The following ZBTB8A variants were observed in gnomAD, a reference collection of about 807,000 sequenced individuals.
ZBTB8A encodes zinc finger and BTB domain containing 8A.
A neutral mutation model predicts 37.8 loss-of-function variants in ZBTB8A; 19 were observed. The observed-to-expected ratio is 0.50, with a 90% CI of 0.35 to 0.74. ZBTB8A has a LOEUF of 0.74. Ranked by LOEUF, ZBTB8A falls within the 30% of genes least tolerant of loss-of-function variation. The pLI is 0.01. For missense variants in ZBTB8A, 394 were observed against 537.8 expected, an observed-to-expected ratio of 0.73 and a Z score of 2.65; for synonymous variants, 181 against 185.2, an observed-to-expected ratio of 0.98 and a Z score of 0.19.
At position 32,572,983 on chromosome 1, in the gene ZBTB8A, C is replaced by G. The variant is rs79591867; in HGVS notation, c.-2+19443C>G. Among the ~76,000 whole-genome samples, 72 of 150,052 alleles carry G rather than the reference C, an allele frequency of 4.8e-4. No homozygotes were observed. The East Asian group carries it at 0.013, about 26-fold the overall frequency. On this transcript the variant is annotated intron_variant, in intron 2 of 4. Transcript: ENST00000373510. ...TTTGGTTTCATTGATTTTTCTCTAT[C>G]ATTTCTTTGGTTTCTATTTTGTTCA...
At chr1:32,567,155 CA>C in intron 2 of ZBTB8A, among the ~76,000 whole-genome samples, 1 of 152,034 alleles carries the variant, frequency 6.6e-6, no homozygotes, top group Admixed American at 6.6e-5. Context: ...ACAGTGATGG[CA>C]AAAGGCACAG....
At chr1:32,539,726 G>C (rs1303531276) in intron 1 of ZBTB8A, among the ~76,000 whole-genome samples, 154 bp downstream of exon 1, 141 of 146,550 alleles carry the variant, frequency 9.6e-4, no homozygotes, top group South Asian at 1.0e-3. Context: ...CCCCGGGCCG[G>C]GAGCGCGGCG....
chr1:32,561,865 G>T (rs1179165177), intron 2 of ZBTB8A, among the ~76,000 whole-genome samples: 1 of 152,132 alleles, frequency 6.6e-6, no homozygotes, highest in African/African-American at 2.4e-5. Flanking sequence ...ATATAATTTT[G>T]GGGGGCACAA....
rs931134140 is a variant in ZBTB8A at position 32,601,015 on chromosome 1, A to G, written c.*596A>G. The stretch of plus-strand genomic sequence containing the variant: ...GTGTTTGAAATCATTCATATTTGAA[A>G]TTTTTATCATTAGCTTAAAAATTAC... On this transcript the variant is annotated 3_prime_UTR_variant, in exon 5 of 5. Coordinates refer to ENST00000373510, the MANE Select transcript of ZBTB8A (RefSeq NM_001040441.3). The G allele has an allele frequency of 6.6e-6, 1 of 152,146 alleles. No individual in the cohort carries two copies. Among genetic ancestry groups the G allele is most frequent in the South Asian group, 2.1e-4 (1 of 4,830 alleles). 9.4% of individuals were successfully genotyped at this position (152,146 alleles called of 1,614,324 possible). A position where few individuals can be genotyped will look rare whatever the true frequency, so the allele number is the denominator to read the frequency against.
At chr1:32,574,690 AAAGAATGT>A (rs1234474969) in intron 2 of ZBTB8A, among the ~76,000 whole-genome samples, 1 of 152,222 alleles carries the variant, frequency 6.6e-6, no homozygotes, top group African/African-American at 2.4e-5. Flanking sequence ...GTGTACTTAA[AAAGAATGT>A]ATATTTTGCT....
At chr1:32,579,759 C>T (rs1644389828) in intron 2 of ZBTB8A, among the ~76,000 whole-genome samples, 1 of 152,156 alleles carries the variant, frequency 6.6e-6, no homozygotes, top group Admixed American at 6.6e-5. Context: ...TCACTGATTT[C>T]ATTGTCTGAA....
In ZBTB8A at chr1:32,590,349, T is replaced by C. The variant is rs539559199; in HGVS notation, c.-1-2582T>C. Reference sequence around the variant, plus strand: ...AGTATCTCACCTAAGGCCTTTTTTTTCCCTACCCAGGGCCCTGCAAAGACA... The same window carrying C: ...AGTATCTCACCTAAGGCCTTTTTTTCCCCTACCCAGGGCCCTGCAAAGACA... On this transcript the variant is annotated intron_variant, in intron 2 of 4. Coordinates refer to ENST00000373510, the MANE Select transcript of ZBTB8A (RefSeq NM_001040441.3). Among the ~76,000 whole-genome samples the C allele has an allele frequency of 8.5e-4, 129 of 152,170 alleles. 1 individual carries two copies. Among genetic ancestry groups the C allele is most frequent in the African/African-American group, 2.8e-3 (118 of 41,464 alleles).
chr1:32,578,231 ATTTTTT>A (rs561875455), intron 2 of ZBTB8A, among the ~76,000 whole-genome samples: 2 of 135,092 alleles, frequency 1.5e-5, no homozygotes, highest in African/African-American at 5.5e-5. Flanking sequence ...CTCCTGGCTA[ATTTTTT>A]TTTTTTTTTT....
intron 2 of ZBTB8A, among the ~76,000 whole-genome samples, chr1:32,555,214 C>T (rs371046816): frequency 2.6e-5 from 4 of 152,030 alleles, no homozygotes; most frequent in African/African-American, 7.2e-5. Flanking sequence ...ACGGTGAAAA[C>T]CTGTCTCTAC....
At chr1:32,595,002 A>G (rs944227728) in intron 3 of ZBTB8A, 52 bp from the exon 4 acceptor site, 2 of 1,444,118 alleles carry the variant, frequency 1.4e-6, no homozygotes, top group Non-Finnish European at 1.9e-6. Context: ...TCTTTCTGTT[A>G]TTAGAATTGT....
chr1:32,594,391 C>T (rs1306195566), intron 3 of ZBTB8A, among the ~76,000 whole-genome samples: 2 of 151,922 alleles, frequency 1.3e-5, no homozygotes, highest in African/African-American at 4.8e-5. Context: ...ATAGTTCAAT[C>T]CCTGAGACAC....
chr1:32,601,173 C>G lies in ZBTB8A; in HGVS notation c.*754C>G, dbSNP rs1056610264. On this transcript the variant is annotated 3_prime_UTR_variant, in exon 5 of 5. Transcript: ENST00000373510. ...GAAGACAATCTGTCAATATGGTTGT[C>G]CATCTCTCTAAAGAAAAGCAGGCTG... The G allele has an allele frequency of 6.5e-6, 1 of 152,800 alleles. No individual in the cohort carries two copies. Among genetic ancestry groups the G allele is most frequent in the African/African-American group, 2.4e-5 (1 of 41,474 alleles). The allele number at this position is 152,800 out of a possible 1,614,324, so 9.5% of individuals were successfully genotyped here. A position where few individuals can be genotyped will look rare whatever the true frequency, so the allele number is the denominator to read the frequency against.
At chr1:32,573,537 A>G (rs1644338559) in intron 2 of ZBTB8A, among the ~76,000 whole-genome samples, 1 of 148,708 alleles carries the variant, frequency 6.7e-6, no homozygotes, top group South Asian at 2.1e-4. Flanking sequence ...GGCTCGGGTG[A>G]TTCTCCCACC....
intron 1 of ZBTB8A, among the ~76,000 whole-genome samples, chr1:32,541,542 A>G (rs1644054825): frequency 6.6e-6 from 1 of 152,224 alleles, no homozygotes; most frequent in East Asian, 1.9e-4. Flanking sequence ...GTCTCAGGCC[A>G]TTTGTGCAGC....
In ZBTB8A at chr1:32,593,054, A is replaced by T; in HGVS notation, c.123A>T (p.Val41=). The T allele has an allele frequency of 6.2e-7, 1 of 1,614,222 alleles. No homozygotes were observed. The highest frequency in any genetic ancestry group is 8.5e-7 in the Non-Finnish European group (1 of 1,180,044). Residue 41 remains valine (V), a synonymous_variant, in exon 3 of 5, where the codon GTA becomes GTT. Coordinates refer to ENST00000373510, the MANE Select transcript of ZBTB8A (RefSeq NM_001040441.3). ...AGGTCTTCAAAGCACATCGAAATGT[A>T]TTATTCGCTAGTAGCGGCTACTTTA... The part of the protein sequence containing the change: ...EGKVFKAHRN[V]LFASSGYFKM...
At chr1:32,539,962 G>GGC (rs1407018253) in intron 1 of ZBTB8A, among the ~76,000 whole-genome samples, 1 of 151,292 alleles carries the variant, frequency 6.6e-6, no homozygotes, top group Non-Finnish European at 1.5e-5. Flanking sequence ...CCGCCGCGGG[G>GGC]GCGCGCGGGG....
Position 32,601,517 on chromosome 1 carries a change from G to T in ZBTB8A, c.*1098G>T. ...AAACTAGGAGGTTCTTACCATATGT[G>T]AGTGATTTCTAACGTTTATGTAGTG... On this transcript the variant is annotated 3_prime_UTR_variant, in exon 5 of 5. Coordinates refer to ENST00000373510, the MANE Select transcript of ZBTB8A (RefSeq NM_001040441.3). 2.5e-6 allele frequency: 1 copy of T among 397,522 alleles called. No homozygotes were observed. The highest frequency in any genetic ancestry group is 1.3e-4 in the South Asian group (1 of 7,730). The allele number at this position is 397,522 out of a possible 1,614,324, so 24.6% of individuals were successfully genotyped here.
At chr1:32,597,734 C>T (rs1335744449) in intron 4 of ZBTB8A, among the ~76,000 whole-genome samples, 1 of 151,924 alleles carries the variant, frequency 6.6e-6, no homozygotes, top group Non-Finnish European at 1.5e-5. Context: ...ACATTTGATA[C>T]CCATAGTTTT....
intron 2 of ZBTB8A, among the ~76,000 whole-genome samples, chr1:32,559,924 C>G (rs1644231012): frequency 1.3e-5 from 2 of 152,106 alleles, no homozygotes; most frequent in African/African-American, 4.8e-5. Context: ...TCTTGCATTG[C>G]TATAAAGAAA....
Sources: allele counts gnomAD v4.1 joint callset (sites outside exome capture counted in the v4.1 genomes callset), GRCh38; gene constraint gnomAD v4.1.1; transcripts MANE v1.5; gene names NCBI Gene and HGNC (gene_info 2026-07-23, HGNC 2026-07-21).